The following RTL4 variants were observed in gnomAD, a reference collection of about 807,000 sequenced individuals.
The protein encoded by RTL4 is retrotransposon Gag-like protein 4.
In RTL4, 4 loss-of-function variants were observed where a neutral mutation model predicts 5.3. The observed-to-expected ratio is 0.75, with a 90% confidence interval of 0.37 to 1.72. RTL4 has a LOEUF of 1.72. Ranked by LOEUF, RTL4 falls within the 40% of genes most tolerant of loss-of-function variation. RTL4 has a pLI of 0.04. For missense variants in RTL4, 260 were observed against 227.1 expected (o/e 1.14, Z -0.93); for synonymous variants, 98 against 87.3 (o/e 1.12, Z -0.68).
At chrX:112,397,668 T>C in the RTL4 span, among the ~76,000 whole-genome samples, 1 of 112,178 alleles carries the variant, frequency 8.9e-6, no homozygotes, top group South Asian at 3.7e-4. Flanking sequence ...ATTGACTTCT[T>C]TCATCGGTGT....
chrX:112,209,880 T>C, the RTL4 span, among the ~76,000 whole-genome samples: 3 of 111,723 alleles, frequency 2.7e-5, no homozygotes, highest in Non-Finnish European at 5.6e-5. Flanking sequence ...AGAGTAGTTA[T>C]CTGCAGAAGA....
chrX:112,179,688 T>C, the RTL4 span, among the ~76,000 whole-genome samples: 4 of 112,507 alleles, frequency 3.6e-5, no homozygotes, highest in Non-Finnish European at 5.6e-5. Context: ...ATTCTAGGCA[T>C]TGAGTGAACA....
chrX:112,349,014 T>C, the RTL4 span, among the ~76,000 whole-genome samples: 15 of 111,102 alleles, frequency 1.4e-4, no homozygotes, highest in African/African-American at 4.9e-4. Flanking sequence ...ACTATTATTA[T>C]CCTCATTTTA....
the RTL4 span, among the ~76,000 whole-genome samples, chrX:112,092,475 C>T: frequency 1.7e-4 from 19 of 111,674 alleles, no homozygotes; most frequent in African/African-American, 6.2e-4. Flanking sequence ...ACATGCAAAT[C>T]TGCCTCTCAC....
chrX:112,207,671 T>G, the RTL4 span, among the ~76,000 whole-genome samples: 12 of 107,957 alleles, frequency 1.1e-4, no homozygotes, highest in Non-Finnish European at 1.9e-4. Flanking sequence ...AAATCTTCTG[T>G]GGAACCCCAA....
At chrX:112,183,197 C>T in the RTL4 span, among the ~76,000 whole-genome samples, 1 of 112,191 alleles carries the variant, frequency 8.9e-6, no homozygotes, top group African/African-American at 3.2e-5. Flanking sequence ...TGGTTCCAGC[C>T]ACTGCAAAAA....
the RTL4 span, among the ~76,000 whole-genome samples, chrX:112,168,633 C>T: frequency 9.0e-6 from 1 of 111,727 alleles, no homozygotes; most frequent in East Asian, 2.8e-4. Context: ...AAAAGACACT[C>T]CCATCAGCAC....
chrX:112,350,362 G>T, the RTL4 span, among the ~76,000 whole-genome samples: 1 of 108,412 alleles, frequency 9.2e-6, no homozygotes, highest in Non-Finnish European at 1.9e-5. Context: ...TTGGTATCAG[G>T]ATGATGCTGG....
chrX:112,184,207 TG>T, the RTL4 span, among the ~76,000 whole-genome samples: 2 of 32,331 alleles, frequency 6.2e-5, no homozygotes, highest in Non-Finnish European at 5.5e-5. Context: ...TGTTATGGGG[TG>T]GGGGGAGGGG....
At chrX:112,312,980 G>T in the RTL4 span, among the ~76,000 whole-genome samples, 1 of 111,099 alleles carries the variant, frequency 9.0e-6, no homozygotes, top group African/African-American at 3.3e-5. Flanking sequence ...CCTGACCACC[G>T]TCAGGGAGTG....
chrX:112,084,084 C>T, the RTL4 span, among the ~76,000 whole-genome samples: 2 of 111,249 alleles, frequency 1.8e-5, no homozygotes, highest in Middle Eastern at 4.7e-3. Flanking sequence ...CTCTTTAACC[C>T]CCTCTGCACG....
At chrX:112,148,294 C>T in the RTL4 span, among the ~76,000 whole-genome samples, 1 of 104,461 alleles carries the variant, frequency 9.6e-6, no homozygotes, top group African/African-American at 3.6e-5. Context: ...TTCCTCTTCT[C>T]CCAATGTGAT....
chrX:112,198,138 C>T, the RTL4 span, among the ~76,000 whole-genome samples: 2 of 111,281 alleles, frequency 1.8e-5, no homozygotes, highest in African/African-American at 6.5e-5. Flanking sequence ...TTACTGTCCA[C>T]GGGGGGAAGC....
chrX:112,411,172 G>A, the RTL4 span, among the ~76,000 whole-genome samples: 2 of 111,001 alleles, frequency 1.8e-5, no homozygotes, highest in Middle Eastern at 4.7e-3. Flanking sequence ...ATCCAAAATG[G>A]GAACAGACCA....
chrX:112,321,989 T>G, the RTL4 span, among the ~76,000 whole-genome samples: 6 of 112,335 alleles, frequency 5.3e-5, no homozygotes, highest in Non-Finnish European at 1.1e-4. Flanking sequence ...CAACATTAAT[T>G]TATCAGCGAC....
the RTL4 span, among the ~76,000 whole-genome samples, chrX:112,084,740 A>T: frequency 9.0e-6 from 1 of 111,208 alleles, no homozygotes; most frequent in Admixed American, 9.5e-5. Context: ...CCCAGATGCA[A>T]CCAGAAGCAG....
chrX:112,315,783 C>T, the RTL4 span, among the ~76,000 whole-genome samples: 1 of 111,977 alleles, frequency 8.9e-6, no homozygotes, highest in Non-Finnish European at 1.9e-5. Flanking sequence ...TGATGCTACA[C>T]TGAGGCATTA....
At chrX:112,242,650 A>T in the RTL4 span, among the ~76,000 whole-genome samples, 1 of 111,597 alleles carries the variant, frequency 9.0e-6, no homozygotes, top group Admixed American at 9.6e-5. Flanking sequence ...AACCAGGGAC[A>T]ATTTAACTCC....
the RTL4 span, among the ~76,000 whole-genome samples, chrX:112,435,129 T>C: frequency 1.8e-4 from 20 of 111,539 alleles, no homozygotes; most frequent in East Asian, 5.1e-3. Context: ...GGTCCCATCC[T>C]TAATACTTGG....
Sources: allele counts gnomAD v4.1 joint callset (sites outside exome capture counted in the v4.1 genomes callset), GRCh38; gene constraint gnomAD v4.1.1; transcripts MANE v1.5; gene names NCBI Gene and HGNC (gene_info 2026-07-23, HGNC 2026-07-21).